Variants in MTUS2 observed in about 807,000 individuals in gnomAD.
The protein encoded by MTUS2 is microtubule-associated tumor suppressor candidate 2.
MTUS2 carries 40 observed loss-of-function variants against 114.1 expected under a neutral mutation model. The observed-to-expected ratio is 0.35, with a 90% CI of 0.27 to 0.46. The LOEUF (loss-of-function observed/expected upper bound fraction) is 0.46. Ranked by LOEUF, MTUS2 falls within the 20% of genes least tolerant of loss-of-function variation. MTUS2 has a pLI of 1.00. For synonymous variants in MTUS2, 688 were observed against 672.0 expected, an observed-to-expected ratio of 1.02 and a Z score of -0.37; for missense variants, 1,679 against 1,705.4, an observed-to-expected ratio of 0.98 and a Z score of 0.27.
intron 5 of MTUS2, among the ~76,000 whole-genome samples, chr13:29,245,255 G>A (rs1896878709): frequency 6.6e-6 from 1 of 152,054 alleles, no homozygotes. Flanking sequence ...GGTTTTTGTT[G>A]GAATGAGGAA....
intron 2 of MTUS2, among the ~76,000 whole-genome samples, chr13:28,981,986 C>T (rs185020906): frequency 9.2e-5 from 14 of 152,284 alleles, no homozygotes; most frequent in East Asian, 5.8e-4. Flanking sequence ...CCTAGGGATT[C>T]GCCCTTGTTT....
At chr13:29,416,082 A>AT (rs139281629) in intron 8 of MTUS2, among the ~76,000 whole-genome samples, 73,448 of 127,644 alleles carry the variant, frequency 0.58, 22,662 homozygotes, top group Admixed American at 0.7. Context: ...CACCCCACTA[A>AT]TTTTTTTTTT....
intron 4 of MTUS2, among the ~76,000 whole-genome samples, chr13:29,055,422 A>G (rs1358396305): frequency 6.6e-6 from 1 of 152,122 alleles, no homozygotes; most frequent in Non-Finnish European, 1.5e-5. Context: ...GCTTTGTTAT[A>G]TAGGTAAATT....
chr13:28,898,777 G>A (rs1037659930), intron 2 of MTUS2, among the ~76,000 whole-genome samples: 4 of 152,102 alleles, frequency 2.6e-5, no homozygotes, highest in Non-Finnish European at 4.4e-5. Flanking sequence ...GACATACTTA[G>A]CAAATAATAT....
chr13:29,500,490 C>CA (rs1882814245), intron 14 of MTUS2, among the ~76,000 whole-genome samples: 1 of 152,162 alleles, frequency 6.6e-6, no homozygotes, highest in African/African-American at 2.4e-5. Flanking sequence ...GAGTAACAGC[C>CA]ATGGGATGAT....
intron 9 of MTUS2, among the ~76,000 whole-genome samples, chr13:29,461,200 A>C (rs2138790985): frequency 6.6e-6 from 1 of 152,076 alleles, no homozygotes; most frequent in African/African-American, 2.4e-5. Context: ...GAGAGAGAGA[A>C]GGGAAGGGGG....
chr13:29,494,361 T>C (rs137958972), intron 12 of MTUS2, among the ~76,000 whole-genome samples: 67 of 152,340 alleles, frequency 4.4e-4, no homozygotes, highest in African/African-American at 1.6e-3. Flanking sequence ...CCCAAGTTAG[T>C]TGCAATAGCA....
chr13:29,120,201 T>C (rs1186055433), intron 5 of MTUS2, among the ~76,000 whole-genome samples: 1 of 152,092 alleles, frequency 6.6e-6, no homozygotes, highest in Non-Finnish European at 1.5e-5. Flanking sequence ...CAAATTGATA[T>C]TATATTTAAG....
chr13:29,300,857 T>G (rs1899171317), intron 6 of MTUS2, among the ~76,000 whole-genome samples: 1 of 152,136 alleles, frequency 6.6e-6, no homozygotes, highest in South Asian at 2.1e-4. Flanking sequence ...CAAGCCACTA[T>G]AAAAAAATTA....
intron 8 of MTUS2, among the ~76,000 whole-genome samples, chr13:29,397,172 A>G (rs1240882909): frequency 6.6e-6 from 1 of 152,168 alleles, no homozygotes; most frequent in Non-Finnish European, 1.5e-5. Flanking sequence ...TCTTAACTCC[A>G]GATCCCTTTA....
intron 9 of MTUS2, among the ~76,000 whole-genome samples, chr13:29,454,991 A>T (rs1337412607): frequency 6.6e-6 from 1 of 152,196 alleles, no homozygotes; most frequent in Non-Finnish European, 1.5e-5. Flanking sequence ...TGCACATTTG[A>T]CACCATAGCC....
At chr13:29,236,496 A>G (rs759270955) in intron 5 of MTUS2, among the ~76,000 whole-genome samples, 9 of 152,240 alleles carry the variant, frequency 5.9e-5, no homozygotes, top group Non-Finnish European at 1.0e-4. Context: ...TTTTTCCTAG[A>G]CAGAAGAGGT....
At chr13:29,471,877 G>A (rs1880341976) in intron 9 of MTUS2, among the ~76,000 whole-genome samples, 1 of 152,132 alleles carries the variant, frequency 6.6e-6, no homozygotes. Flanking sequence ...CAGGTGCTTG[G>A]CACCCAGGAA....
intron 3 of MTUS2, among the ~76,000 whole-genome samples, chr13:29,030,167 T>G (rs563868881): frequency 6.6e-6 from 1 of 152,192 alleles, no homozygotes; most frequent in Non-Finnish European, 1.5e-5. Flanking sequence ...ACATGCATAG[T>G]TTTCCCCAAA....
rs576818231 is a variant in MTUS2, at chr13:29,111,290, A to C, written c.2644+10320A>C. On this transcript the variant is annotated intron_variant, in intron 5 of 15. Coordinates refer to ENST00000612955, the MANE Select transcript of MTUS2 (RefSeq NM_001033602.4). The stretch of plus-strand genomic sequence containing the variant: ...TTTTTTCTCTGTCTTAATAAGATAA[A>C]AATTTTAGAACAATAACAGAGAACA... Among the ~76,000 whole-genome samples, 3 of 152,340 alleles carry C rather than the reference A, an allele frequency of 2.0e-5. No homozygotes were observed. In the East Asian group the frequency reaches 5.8e-4, roughly 29 times the overall value.
intron 5 of MTUS2, among the ~76,000 whole-genome samples, chr13:29,183,160 G>A (rs961998122): frequency 2.6e-5 from 4 of 152,268 alleles, no homozygotes; most frequent in African/African-American, 7.2e-5. Flanking sequence ...ATTGTACCAC[G>A]GAAGGTGCAG....
At chr13:28,843,673 CTG>C (rs755488696) in intron 2 of MTUS2, among the ~76,000 whole-genome samples, 40 of 152,286 alleles carry the variant, frequency 2.6e-4, no homozygotes, top group Non-Finnish European at 4.6e-4. Flanking sequence ...ATGCATAAGA[CTG>C]TGCAATTTAC....
chr13:29,231,012 T>C (rs1474653284), intron 5 of MTUS2, among the ~76,000 whole-genome samples: 1 of 152,202 alleles, frequency 6.6e-6, no homozygotes, highest in Non-Finnish European at 1.5e-5. Flanking sequence ...TTATATAGCA[T>C]AGCCAAATAC....
At chr13:29,228,626 G>A (rs778550015) in intron 5 of MTUS2, among the ~76,000 whole-genome samples, 7 of 152,066 alleles carry the variant, frequency 4.6e-5, no homozygotes, top group Non-Finnish European at 7.4e-5. Context: ...GGCCCTGTGT[G>A]TGTACATATA....
Sources: gnomAD v4.1 joint callset for allele counts (sites outside exome capture counted in the v4.1 genomes callset) on GRCh38, gnomAD v4.1.1 for gene constraint, MANE v1.5 for transcripts, NCBI Gene and HGNC (gene_info 2026-07-23, HGNC 2026-07-21) for gene names.